SYN3: variants seen among roughly 807,000 people sequenced by gnomAD.
SYN3 encodes synapsin-3.
In SYN3, 35 loss-of-function variants were observed where a neutral mutation model predicts 65.8. That is an observed-to-expected ratio of 0.53 (90% CI 0.41 to 0.70). The LOEUF (loss-of-function observed/expected upper bound fraction) is 0.70. Among genes scored for constraint, SYN3 ranks in the 30% least tolerant of loss-of-function variants. The probability of loss-of-function intolerance (pLI) is 0.00; values close to 1 mark genes in which losing one functional copy is unlikely to be tolerated. For synonymous variants in SYN3, 270 were observed against 292.9 expected (o/e 0.92, Z 0.80); for missense variants, 680 against 749.0 (o/e 0.91, Z 1.08).
At chr22:32,514,306 A>G (rs1217301897) in intron 13 of SYN3, 1 of 153,670 alleles carries the variant, frequency 6.5e-6, no homozygotes, top group African/African-American at 2.4e-5. Context: ...TGATGTGTGT[A>G]GCCTTGGGCA....
chr22:32,691,602 G>A (rs1421753931), intron 6 of SYN3, among the ~76,000 whole-genome samples: 1 of 152,110 alleles, frequency 6.6e-6, no homozygotes, highest in Non-Finnish European at 1.5e-5. Flanking sequence ...TGAAGACTGG[G>A]ATTGGGAGAC....
chr22:33,044,946 G>A (rs1002784077), intron 1 of SYN3, among the ~76,000 whole-genome samples: 14 of 151,130 alleles, frequency 9.3e-5, no homozygotes, highest in Non-Finnish European at 1.5e-4. Flanking sequence ...GGGTTCAAGC[G>A]ACTCTCCTGC....
chr22:32,972,701 G>A (rs2052056131), intron 3 of SYN3, among the ~76,000 whole-genome samples: 1 of 152,160 alleles, frequency 6.6e-6, no homozygotes, highest in Non-Finnish European at 1.5e-5. Flanking sequence ...CTCAGTGGAA[G>A]CACAGGTCTG....
chr22:33,041,089 T>C (rs2053956647), intron 1 of SYN3, among the ~76,000 whole-genome samples: 1 of 151,612 alleles, frequency 6.6e-6, no homozygotes. Context: ...TAATTTTCTT[T>C]TGTATTTTTA....
intron 6 of SYN3, among the ~76,000 whole-genome samples, chr22:32,631,547 A>G (rs12166424): frequency 0.1 from 15,456 of 152,180 alleles, 1,801 homozygotes; most frequent in African/African-American, 0.29. Flanking sequence ...TAAAGCAGGA[A>G]GGACCTTAGG....
chr22:32,856,706 A>G (rs1222868230), intron 6 of SYN3, among the ~76,000 whole-genome samples: 1 of 152,220 alleles, frequency 6.6e-6, no homozygotes, highest in Admixed American at 6.5e-5. Flanking sequence ...GAGATATACA[A>G]TAAGTTATTG....
At position 32,529,228 on chromosome 22, in the gene SYN3, C is replaced by T. The variant is rs1319645496; in HGVS notation, c.1096-220G>A. 1.8e-5 allele frequency: 10 copies of T among 542,860 alleles called. No homozygotes were observed. In the Admixed American group the frequency reaches 2.1e-4, roughly 12 times the overall value. 33.6% of individuals were successfully genotyped at this position (542,860 alleles called of 1,614,324 possible). ...CCTGGAGGTAGTTCAATTCGGCCCA[C>T]GTTTGCTGGATGACAGCAATGCGAC... On this transcript the variant is annotated intron_variant, in intron 10 of 13. Coordinates refer to ENST00000358763, the MANE Select transcript of SYN3 (RefSeq NM_003490.4).
intron 6 of SYN3, among the ~76,000 whole-genome samples, chr22:32,617,275 A>G (rs1423484456): frequency 6.6e-6 from 1 of 152,134 alleles, no homozygotes; most frequent in Non-Finnish European, 1.5e-5. Flanking sequence ...ATGCTGAAGT[A>G]TTTTCAGATG....
chr22:32,821,734 A>C (rs1037331350), intron 6 of SYN3, among the ~76,000 whole-genome samples: 1 of 152,122 alleles, frequency 6.6e-6, no homozygotes, highest in African/African-American at 2.4e-5. Context: ...GGTATTTGTC[A>C]CTGTCCCACG....
At chr22:32,839,830 A>C (rs1037305648) in intron 6 of SYN3, among the ~76,000 whole-genome samples, 4 of 152,120 alleles carry the variant, frequency 2.6e-5, no homozygotes, top group African/African-American at 9.7e-5. Context: ...AGTTCCAGGA[A>C]GCCTGACCTT....
chr22:32,764,088 C>A (rs1378369553), intron 6 of SYN3, among the ~76,000 whole-genome samples: 1 of 152,028 alleles, frequency 6.6e-6, no homozygotes, highest in Non-Finnish European at 1.5e-5. Context: ...CAGGCATCCA[C>A]CACCACACCC....
intron 3 of SYN3, among the ~76,000 whole-genome samples, chr22:32,944,495 C>G (rs560025861): frequency 3.7e-4 from 57 of 152,214 alleles, no homozygotes; most frequent in Non-Finnish European, 5.7e-4. Flanking sequence ...ATTCAACAGC[C>G]CTTCATGCTA....
At chr22:32,606,482 T>A (rs1213692921) in intron 6 of SYN3, among the ~76,000 whole-genome samples, 2 of 152,214 alleles carry the variant, frequency 1.3e-5, no homozygotes, top group Non-Finnish European at 2.9e-5. Context: ...CCTTTGCAAC[T>A]CTTCTGTAAT....
At chr22:32,969,656 T>C (rs1015891202) in intron 3 of SYN3, among the ~76,000 whole-genome samples, 1 of 152,158 alleles carries the variant, frequency 6.6e-6, no homozygotes, top group Non-Finnish European at 1.5e-5. Flanking sequence ...TAATTTCACG[T>C]GTGTGCTAAG....
chr22:32,648,006 T>C (rs2060008809), intron 6 of SYN3, among the ~76,000 whole-genome samples: 1 of 152,148 alleles, frequency 6.6e-6, no homozygotes, highest in Non-Finnish European at 1.5e-5. Flanking sequence ...CCCAAGTAGC[T>C]GAGACTACAG....
chr22:32,835,669 G>T (rs1049676850), intron 6 of SYN3, among the ~76,000 whole-genome samples: 3 of 152,150 alleles, frequency 2.0e-5, no homozygotes, highest in Non-Finnish European at 4.4e-5. Context: ...AAGTATACTT[G>T]TTCGCCCCTT....
At chr22:33,001,639 A>T (rs1278931491) in intron 2 of SYN3, among the ~76,000 whole-genome samples, 1 of 152,264 alleles carries the variant, frequency 6.6e-6, no homozygotes, top group Non-Finnish European at 1.5e-5. Context: ...CACAATAGTC[A>T]GCAATAATAA....
intron 12 of SYN3, among the ~76,000 whole-genome samples, chr22:32,526,359 A>G (rs1174200515): frequency 6.6e-6 from 1 of 152,136 alleles, no homozygotes; most frequent in African/African-American, 2.4e-5. Context: ...AATGAATGGG[A>G]CATTTTATCT....
chr22:32,718,326 T>C (rs2061067364), intron 6 of SYN3, among the ~76,000 whole-genome samples: 2 of 152,086 alleles, frequency 1.3e-5, no homozygotes, highest in Admixed American at 6.5e-5. Flanking sequence ...CTCTGCTATG[T>C]CCACTGTGTG....
Sources: gnomAD v4.1 joint callset for allele counts (sites outside exome capture counted in the v4.1 genomes callset) on GRCh38, gnomAD v4.1.1 for gene constraint, MANE v1.5 for transcripts, NCBI Gene and HGNC (gene_info 2026-07-23, HGNC 2026-07-21) for gene names.